The following SGMS1 variants were observed in gnomAD, a reference collection of about 807,000 sequenced individuals.
The protein encoded by SGMS1 is sphingomyelin synthase 1.
In SGMS1, 13 loss-of-function variants were observed where a neutral mutation model predicts 46.2. That is an observed-to-expected ratio of 0.28 (90% CI 0.18 to 0.45). The LOEUF (loss-of-function observed/expected upper bound fraction) is 0.45, where lower values mean the gene tolerates loss of function less well. SGMS1 is among the 20% of genes least tolerant of loss of function. SGMS1 has a pLI of 1.00. For synonymous variants in SGMS1, 203 were observed against 187.8 expected (o/e 1.08, Z -0.66); for missense variants, 324 against 519.9 (o/e 0.62, Z 3.66).
In SGMS1 at chr10:50,305,704, A is replaced by G. The variant is rs970915579; in HGVS notation, c.*1438T>C. ...ACTCTCTGGAATAATAACTTTACAA[A>G]GATTTAAAACAAACAAAATTTTAAA... On this transcript the variant is annotated 3_prime_UTR_variant, in exon 11 of 11. Coordinates refer to ENST00000361781, the MANE Select transcript of SGMS1 (RefSeq NM_147156.4). 6.5e-6 allele frequency: 1 copy of G among 152,776 alleles called. No homozygotes were observed. The highest frequency in any genetic ancestry group is 1.5e-5 in the Non-Finnish European group (1 of 68,008). The allele number at this position is 152,776 out of a possible 1,614,324, so 9.5% of individuals were successfully genotyped here.
At chr10:50,615,622 T>C (rs907890486) in intron 1 of SGMS1, among the ~76,000 whole-genome samples, 1 of 152,232 alleles carries the variant, frequency 6.6e-6, no homozygotes, top group African/African-American at 2.4e-5. Flanking sequence ...ATCTTCTAAC[T>C]ATTTATCACC....
At chr10:50,471,113 G>A (rs1200122510) in intron 3 of SGMS1, among the ~76,000 whole-genome samples, 3 of 152,142 alleles carry the variant, frequency 2.0e-5, no homozygotes, top group South Asian at 2.1e-4. Context: ...TGGTGAGATA[G>A]GTTCATGGGA....
chr10:50,510,303 A>C (rs143680223), intron 3 of SGMS1, among the ~76,000 whole-genome samples: 4 of 152,178 alleles, frequency 2.6e-5, no homozygotes, highest in Non-Finnish European at 5.9e-5. Flanking sequence ...GGACAATTAC[A>C]TTTTTTCCAG....
intron 5 of SGMS1, among the ~76,000 whole-genome samples, chr10:50,445,486 C>T (rs1836999438): frequency 6.6e-6 from 1 of 152,150 alleles, no homozygotes; most frequent in African/African-American, 2.4e-5. Context: ...ATTTCATGGA[C>T]ATTTATTAGT....
intron 6 of SGMS1, among the ~76,000 whole-genome samples, chr10:50,356,021 G>A (rs1407779205): frequency 2.0e-5 from 3 of 152,118 alleles, no homozygotes; most frequent in African/African-American, 4.8e-5. Flanking sequence ...TGGGAAGTGA[G>A]GAGCCCCTCC....
At chr10:50,531,630 C>T (rs1326199291) in intron 2 of SGMS1, among the ~76,000 whole-genome samples, 1 of 152,162 alleles carries the variant, frequency 6.6e-6, no homozygotes, top group African/African-American at 2.4e-5. Flanking sequence ...CTGCCCACTC[C>T]ACCACCTGCC....
chr10:50,616,657 TAAATG>T (rs1247149236), intron 1 of SGMS1, among the ~76,000 whole-genome samples: 1 of 152,190 alleles, frequency 6.6e-6, no homozygotes, highest in Non-Finnish European at 1.5e-5. Context: ...TACAGGCTGA[TAAATG>T]AAGGAAGATT....
upstream of SGMS1, chr10:50,624,573 T>A (rs1588896897): frequency 1.0e-6 from 1 of 984,722 alleles, no homozygotes; most frequent in Non-Finnish European, 1.2e-6. Flanking sequence ...AAACTCCGAC[T>A]GCGTCAGAGC....
At chr10:50,317,965 G>A (rs1375498465) in intron 8 of SGMS1, among the ~76,000 whole-genome samples, 3 of 152,036 alleles carry the variant, frequency 2.0e-5, no homozygotes, top group East Asian at 1.9e-4. Context: ...CGCCACACCC[G>A]GCTAATTTTT....
chr10:50,355,600 A>C (rs942392036), intron 6 of SGMS1, among the ~76,000 whole-genome samples: 2 of 152,090 alleles, frequency 1.3e-5, no homozygotes, highest in Non-Finnish European at 2.9e-5. Flanking sequence ...GCTGGAGTGC[A>C]GTGGCGTGAT....
At chr10:50,512,918 C>T (rs543056720) in intron 3 of SGMS1, among the ~76,000 whole-genome samples, 2 of 152,304 alleles carry the variant, frequency 1.3e-5, no homozygotes, top group East Asian at 1.9e-4. Flanking sequence ...GCCAGCCACA[C>T]TTACCCACTA....
At chr10:50,541,595 GC>G (rs1838052974) in intron 2 of SGMS1, among the ~76,000 whole-genome samples, 1 of 152,146 alleles carries the variant, frequency 6.6e-6, no homozygotes, top group Non-Finnish European at 1.5e-5. Context: ...CATACTCAAA[GC>G]CCACAGAGAG....
intron 5 of SGMS1, among the ~76,000 whole-genome samples, chr10:50,434,861 G>A (rs1215922686): frequency 6.9e-6 from 1 of 145,658 alleles, no homozygotes; most frequent in East Asian, 2.0e-4. Flanking sequence ...TCCAACCTGG[G>A]CGACAGAGCA....
chr10:50,610,382 C>G (rs1287144996), intron 1 of SGMS1, among the ~76,000 whole-genome samples: 9 of 152,158 alleles, frequency 5.9e-5, no homozygotes, highest in Non-Finnish European at 1.0e-4. Context: ...GTTTTAGATG[C>G]ACTGTCCCCC....
At chr10:50,448,851 A>C (rs1168104878) in intron 5 of SGMS1, among the ~76,000 whole-genome samples, 3 of 152,148 alleles carry the variant, frequency 2.0e-5, no homozygotes, top group African/African-American at 7.2e-5. Flanking sequence ...AAGAACTCTT[A>C]AAACTTAACA....
At chr10:50,318,548 T>A (rs577428576) in intron 8 of SGMS1, among the ~76,000 whole-genome samples, 8 of 152,184 alleles carry the variant, frequency 5.3e-5, no homozygotes, top group Non-Finnish European at 1.2e-4. Context: ...GAAATCTGGA[T>A]GATTCTCCTT....
chr10:50,528,060 C>G (rs1232424589), intron 2 of SGMS1, among the ~76,000 whole-genome samples: 1 of 152,132 alleles, frequency 6.6e-6, no homozygotes, highest in African/African-American at 2.4e-5. Context: ...ATTGTTGCTG[C>G]TATTTTGCTT....
chr10:50,363,383 G>T (rs1848284980), intron 6 of SGMS1, among the ~76,000 whole-genome samples: 1 of 152,174 alleles, frequency 6.6e-6, no homozygotes, highest in Non-Finnish European at 1.5e-5. Flanking sequence ...ATTTCCTCTA[G>T]CCTTAAAAGT....
chr10:50,325,632 T>C (rs1481422172), intron 8 of SGMS1, among the ~76,000 whole-genome samples: 3 of 152,232 alleles, frequency 2.0e-5, no homozygotes, highest in Non-Finnish European at 4.4e-5. Context: ...TCACCAAGTA[T>C]GGGCTTGCCA....
Sources: allele counts gnomAD v4.1 joint callset (sites outside exome capture counted in the v4.1 genomes callset), GRCh38; gene constraint gnomAD v4.1.1; transcripts MANE v1.5; gene names NCBI Gene and HGNC (gene_info 2026-07-23, HGNC 2026-07-21).